Variants in RBFOX1 observed in about 807,000 individuals in gnomAD.
RBFOX1 encodes RNA binding protein fox-1 homolog 1.
In RBFOX1, 8 loss-of-function variants were observed where a neutral mutation model predicts 57.7. The ratio of observed to expected loss-of-function variants is 0.14; its 90% CI spans 0.08 to 0.25. The LOEUF (loss-of-function observed/expected upper bound fraction) is 0.25, where lower values mean the gene tolerates loss of function less well. Among genes scored for constraint, RBFOX1 ranks in the 10% least tolerant of loss-of-function variants. RBFOX1 has a pLI of 1.00. For missense variants in RBFOX1, 611 were observed against 548.5 expected (o/e 1.11, Z -1.14); for synonymous variants, 326 against 222.4 (o/e 1.47, Z -4.15).
chr16:7,168,942 C>A (rs1471202404), intron 4 of RBFOX1, among the ~76,000 whole-genome samples: 1 of 152,164 alleles, frequency 6.6e-6, no homozygotes, highest in African/African-American at 2.4e-5. Flanking sequence ...TTTGTGATGT[C>A]CTTCCTTGGA....
chr16:6,842,277 A>G (rs2093516244), intron 3 of RBFOX1, among the ~76,000 whole-genome samples: 1 of 151,956 alleles, frequency 6.6e-6, no homozygotes, highest in Non-Finnish European at 1.5e-5. Flanking sequence ...TTTTTCTGTA[A>G]GGAAATAAAA....
chr16:6,698,835 A>G (rs1026813324), intron 3 of RBFOX1, among the ~76,000 whole-genome samples: 10 of 152,142 alleles, frequency 6.6e-5, no homozygotes, highest in Non-Finnish European at 4.4e-5. Flanking sequence ...ATGGAATTCC[A>G]TGTCCCCCAC....
intron 4 of RBFOX1, among the ~76,000 whole-genome samples, chr16:7,132,096 A>C (rs562105120): frequency 6.6e-6 from 1 of 150,822 alleles, no homozygotes; most frequent in Non-Finnish European, 1.5e-5. Context: ...GGCTGAAGCA[A>C]TTCTCCTGAC....
intron 1 of RBFOX1, among the ~76,000 whole-genome samples, chr16:6,252,487 G>C (rs1207144977): frequency 6.6e-6 from 1 of 152,148 alleles, no homozygotes; most frequent in Non-Finnish European, 1.5e-5. Context: ...TAAGTGTGGA[G>C]ATCTGTTCAG....
At chr16:6,918,508 G>C (rs996919426) in intron 3 of RBFOX1, among the ~76,000 whole-genome samples, 2 of 151,956 alleles carry the variant, frequency 1.3e-5, no homozygotes, top group Non-Finnish European at 2.9e-5. Context: ...TGTCTGCCTG[G>C]GCCCTAATTC....
intron 4 of RBFOX1, among the ~76,000 whole-genome samples, chr16:7,057,781 G>C (rs896784552): frequency 6.6e-6 from 1 of 152,148 alleles, no homozygotes; most frequent in Non-Finnish European, 1.5e-5. Flanking sequence ...GCCAAGGTGG[G>C]TGGATCACCT....
chr16:5,347,062 A>G (rs1343654842), intron 1 of RBFOX1, among the ~76,000 whole-genome samples: 1 of 151,702 alleles, frequency 6.6e-6, no homozygotes, highest in Non-Finnish European at 1.5e-5. Context: ...TCCTCAAGGG[A>G]CGCCTTTTCA....
At chr16:7,251,689 G>C (rs921445493) in intron 4 of RBFOX1, among the ~76,000 whole-genome samples, 1 of 152,038 alleles carries the variant, frequency 6.6e-6, no homozygotes, top group Non-Finnish European at 1.5e-5. Context: ...CAAAGTCGTG[G>C]GATTACAGGC....
At chr16:7,149,501 T>A (rs59627462) in intron 4 of RBFOX1, among the ~76,000 whole-genome samples, 47,706 of 117,200 alleles carry the variant, frequency 0.41, 7,306 homozygotes, top group East Asian at 0.53. Context: ...TTTTTTTTTT[T>A]TCCCCGACAG....
chr16:6,607,889 C>A (rs12919170), intron 2 of RBFOX1, among the ~76,000 whole-genome samples: 40,657 of 151,970 alleles, frequency 0.27, 5,817 homozygotes, highest in East Asian at 0.38. Flanking sequence ...GTCCACAAAC[C>A]TCCTTGTTTC....
intron 4 of RBFOX1, among the ~76,000 whole-genome samples, chr16:7,274,583 T>C (rs1205768253): frequency 1.3e-5 from 2 of 152,214 alleles, no homozygotes; most frequent in Non-Finnish European, 2.9e-5. Flanking sequence ...TCTCTGGAAC[T>C]AGGTCTACTT....
intron 1 of RBFOX1, among the ~76,000 whole-genome samples, chr16:6,085,050 T>C (rs1199846788): frequency 6.6e-6 from 1 of 152,194 alleles, no homozygotes; most frequent in Non-Finnish European, 1.5e-5. Context: ...GCGTGCTTCA[T>C]TCATTCACTC....
At chr16:6,304,313 C>G (rs777140270) in intron 1 of RBFOX1, among the ~76,000 whole-genome samples, 1 of 151,904 alleles carries the variant, frequency 6.6e-6, no homozygotes, top group Non-Finnish European at 1.5e-5. Flanking sequence ...AATTAATGAA[C>G]AGAAGTTCCA....
At chr16:6,416,358 A>T (rs2093624181) in intron 2 of RBFOX1, among the ~76,000 whole-genome samples, 1 of 152,178 alleles carries the variant, frequency 6.6e-6, no homozygotes, top group African/African-American at 2.4e-5. Context: ...ATCTATTCTT[A>T]AACTGGTTTT....
At chr16:6,452,992 A>G (rs1316253281) in intron 2 of RBFOX1, among the ~76,000 whole-genome samples, 3 of 152,190 alleles carry the variant, frequency 2.0e-5, no homozygotes, top group Non-Finnish European at 4.4e-5. Flanking sequence ...GCTTTGGGGC[A>G]ACACTGCAGG....
chr16:5,417,439 G>C (rs186694261), intron 1 of RBFOX1, among the ~76,000 whole-genome samples: 27 of 152,306 alleles, frequency 1.8e-4, no homozygotes, highest in African/African-American at 6.5e-4. Flanking sequence ...CTGCAGATGA[G>C]TTAAGATTTT....
At chr16:6,404,306 T>C (rs1007382402) in intron 2 of RBFOX1, among the ~76,000 whole-genome samples, 1 of 152,150 alleles carries the variant, frequency 6.6e-6, no homozygotes, top group Non-Finnish European at 1.5e-5. Context: ...GTATGCAAAT[T>C]CCATGCCATT....
chr16:6,673,713 A>G (rs1362298279), intron 3 of RBFOX1, among the ~76,000 whole-genome samples: 1 of 152,240 alleles, frequency 6.6e-6, no homozygotes, highest in Non-Finnish European at 1.5e-5. Flanking sequence ...TGCCTGGCAG[A>G]GAGAAGAGGC....
At chr16:5,443,315 A>C (rs1435970572) in intron 1 of RBFOX1, among the ~76,000 whole-genome samples, 1 of 152,068 alleles carries the variant, frequency 6.6e-6, no homozygotes, top group Admixed American at 6.6e-5. Flanking sequence ...TCAACTCCTC[A>C]TGTCACCTAC....
Sources: allele counts gnomAD v4.1 joint callset (sites outside exome capture counted in the v4.1 genomes callset), GRCh38; gene constraint gnomAD v4.1.1; transcripts MANE v1.5; gene names NCBI Gene and HGNC (gene_info 2026-07-23, HGNC 2026-07-21).